Variants in GNB4 observed in about 807,000 individuals in gnomAD.
The protein encoded by GNB4 is guanine nucleotide-binding protein subunit beta-4.
GNB4 carries 28 observed loss-of-function variants against 45.2 expected under a neutral mutation model. The observed-to-expected ratio is 0.62, with a 90% CI of 0.46 to 0.85. The LOEUF is 0.85. GNB4 is among the 40% of genes least tolerant of loss of function. The probability of loss-of-function intolerance (pLI) is 0.00; values close to 1 mark genes in which losing one functional copy is unlikely to be tolerated. For synonymous variants in GNB4, 132 were observed against 143.7 expected (o/e 0.92, Z 0.58); for missense variants, 321 against 425.4 (o/e 0.75, Z 2.16).
intron 1 of GNB4, among the ~76,000 whole-genome samples, chr3:179,433,490 C>T (rs1244283485): frequency 6.6e-6 from 1 of 152,014 alleles, no homozygotes; most frequent in African/African-American, 2.4e-5. Flanking sequence ...CTTCTAGTCT[C>T]AGCCACTCAG....
chr3:179,521,899 C>T, the GNB4 span, among the ~76,000 whole-genome samples: 1 of 152,110 alleles, frequency 6.6e-6, no homozygotes, highest in African/African-American at 2.4e-5. Flanking sequence ...CCCCTTACCA[C>T]AAAATCTTCC....
chr3:179,415,577 T>C (rs549839372), intron 5 of GNB4, among the ~76,000 whole-genome samples: 27 of 152,248 alleles, frequency 1.8e-4, no homozygotes, highest in African/African-American at 6.0e-4. Context: ...TTTATTGCTC[T>C]AGAAACAACA....
intron 3 of GNB4, 41 bp downstream of exon 3, chr3:179,420,848 T>C (rs1335512117): frequency 2.3e-6 from 3 of 1,291,752 alleles, no homozygotes; most frequent in East Asian, 4.6e-5. Context: ...CAAATTATTT[T>C]ATGAGTTACC....
rs192797931 is a variant in GNB4, at chr3:179,437,100, A to C, written c.-42-10858T>G. 2.4e-4 allele frequency among the ~76,000 whole-genome samples: 37 copies of C among 152,322 alleles called. No individual in the cohort carries two copies. In the East Asian group the frequency reaches 5.4e-3, roughly 22 times the overall value. On this transcript the variant is annotated intron_variant, in intron 1 of 9. Transcript: ENST00000232564. Reference sequence around the variant, plus strand: ...GACAGACATAAAAATACACACACACAGGCCCATAATCCATTACCCTAAACC... The same window carrying C: ...GACAGACATAAAAATACACACACACCGGCCCATAATCCATTACCCTAAACC...
chr3:179,458,969 C>T, the GNB4 span, among the ~76,000 whole-genome samples: 2 of 152,170 alleles, frequency 1.3e-5, no homozygotes, highest in Non-Finnish European at 2.9e-5. Context: ...TTACATTTAA[C>T]ATACATTTAT....
chr3:179,445,640 T>C (rs1715702546), intron 1 of GNB4, among the ~76,000 whole-genome samples: 1 of 152,234 alleles, frequency 6.6e-6, no homozygotes, highest in Non-Finnish European at 1.5e-5. Flanking sequence ...ATTAACCAAT[T>C]GTATATATGA....
chr3:179,464,272 A>C, the GNB4 span: 114 of 498,668 alleles, frequency 2.3e-4, no homozygotes, highest in African/African-American at 1.7e-3. Flanking sequence ...CTGCCTAGGC[A>C]ACATAGAGAG....
the GNB4 span, among the ~76,000 whole-genome samples, chr3:179,517,504 G>A: frequency 7.2e-3 from 1,102 of 152,168 alleles, 14 homozygotes; most frequent in African/African-American, 0.025. Context: ...GACTCGGATC[G>A]GGGGACCTCC....
chr3:179,465,344 C>T, the GNB4 span: 2 of 1,084,810 alleles, frequency 1.8e-6, no homozygotes, highest in African/African-American at 1.5e-5. Context: ...TGGCTCACAC[C>T]TGTAATCCCA....
chr3:179,499,862 G>A, the GNB4 span, among the ~76,000 whole-genome samples: 1 of 152,128 alleles, frequency 6.6e-6, no homozygotes, highest in Admixed American at 6.5e-5. Context: ...CATGTTTGTT[G>A]GCTGCATAAA....
At position 179,399,227 on chromosome 3, in the gene GNB4, G is replaced by A. The variant is rs913069554; in HGVS notation, c.*1986C>T. On this transcript the variant is annotated 3_prime_UTR_variant, in exon 10 of 10. Transcript: ENST00000232564. ...TTTTTTTTTTTTCCAATTTGAGATGGAGTCTCACTCTGTCGCCTAGGCTGG... is the reference window on the plus strand; with the variant it reads ...TTTTTTTTTTTTCCAATTTGAGATGAAGTCTCACTCTGTCGCCTAGGCTGG... 6.6e-6 allele frequency: 1 copy of A among 151,796 alleles called. No homozygotes were observed. Among genetic ancestry groups the A allele is most frequent in the Non-Finnish European group, 1.5e-5 (1 of 68,004 alleles). The allele number at this position is 151,796 out of a possible 1,614,324, so 9.4% of individuals were successfully genotyped here.
At chr3:179,500,554 T>G in the GNB4 span, among the ~76,000 whole-genome samples, 1 of 152,262 alleles carries the variant, frequency 6.6e-6, no homozygotes, top group Non-Finnish European at 1.5e-5. Flanking sequence ...TAGGATTGTC[T>G]TGGCTATGCA....
chr3:179,442,914 T>C (rs889268319), intron 1 of GNB4, among the ~76,000 whole-genome samples: 1 of 152,188 alleles, frequency 6.6e-6, no homozygotes, highest in African/African-American at 2.4e-5. Flanking sequence ...AAAGGTGTGA[T>C]CCACCATACC....
intron 1 of GNB4, among the ~76,000 whole-genome samples, chr3:179,432,188 A>G (rs894525684): frequency 3.9e-5 from 6 of 152,180 alleles, no homozygotes; most frequent in African/African-American, 1.4e-4. Context: ...AGGGGCTGAG[A>G]AATGTTGCTA....
chr3:179,523,325 G>A, the GNB4 span, among the ~76,000 whole-genome samples: 3 of 152,166 alleles, frequency 2.0e-5, no homozygotes, highest in African/African-American at 7.2e-5. Context: ...TGAGCCTGAT[G>A]GGTGTCAGGG....
chr3:179,416,643 T>A, intron 4 of GNB4, 87 bp from the exon 5 acceptor site: 1 of 700,376 alleles, frequency 1.4e-6, no homozygotes, highest in Non-Finnish European at 2.3e-6. Context: ...GTAGAATAAT[T>A]CAGAAAAATA....
At chr3:179,495,891 C>CT in the GNB4 span, among the ~76,000 whole-genome samples, 49 of 152,088 alleles carry the variant, frequency 3.2e-4, no homozygotes, top group Non-Finnish European at 8.8e-5. Context: ...GGGATAAAGT[C>CT]TTTTTTAGAA....
At chr3:179,468,180 A>G in the GNB4 span, among the ~76,000 whole-genome samples, 1 of 151,284 alleles carries the variant, frequency 6.6e-6, no homozygotes, top group Non-Finnish European at 1.5e-5. Flanking sequence ...CCTGGGCATC[A>G]GAGCAAGACC....
chr3:179,467,385 T>C, the GNB4 span, among the ~76,000 whole-genome samples: 1 of 152,192 alleles, frequency 6.6e-6, no homozygotes, highest in African/African-American at 2.4e-5. Context: ...AGTAGAGGTT[T>C]AGAGTTTTAC....
Sources: allele counts gnomAD v4.1 joint callset (sites outside exome capture counted in the v4.1 genomes callset), GRCh38; gene constraint gnomAD v4.1.1; transcripts MANE v1.5; gene names NCBI Gene and HGNC (gene_info 2026-07-23, HGNC 2026-07-21).